COL23A1: variants seen among roughly 807,000 people sequenced by gnomAD.
The protein encoded by COL23A1 is collagen alpha-1(XXIII) chain.
In COL23A1, 97 loss-of-function variants were observed where a neutral mutation model predicts 99.3. That is an observed-to-expected ratio of 0.98 (90% CI 0.83 to 1.16). COL23A1 has a LOEUF of 1.16. Among genes scored for constraint, COL23A1 ranks in the 50% most tolerant of loss-of-function variants. The probability of loss-of-function intolerance (pLI) is 0.00; values close to 1 mark genes in which losing one functional copy is unlikely to be tolerated. For missense variants in COL23A1, 762 were observed against 757.4 expected (o/e 1.01, Z -0.07); for synonymous variants, 320 against 308.2 (o/e 1.04, Z -0.40).
intron 2 of COL23A1, among the ~76,000 whole-genome samples, chr5:178,382,139 G>A (rs1296868219): frequency 6.6e-6 from 1 of 152,144 alleles, no homozygotes; most frequent in Non-Finnish European, 1.5e-5. Flanking sequence ...TCCCTGGGGG[G>A]CTGAGGTTTC....
chr5:178,256,467 C>T, intron 14 of COL23A1, 70 bp from the exon 15 acceptor site: 2 of 1,438,640 alleles, frequency 1.4e-6, no homozygotes, highest in Admixed American at 2.3e-5. Context: ...CGACCCTGCC[C>T]CCAGTCCCCT....
chr5:178,424,266 G>A lies in COL23A1; in HGVS notation c.362-117347C>T, dbSNP rs114716119. On this transcript the variant is annotated intron_variant, in intron 2 of 28. Coordinates refer to ENST00000390654, the MANE Select transcript of COL23A1 (RefSeq NM_173465.4). ...GCAACTCTCCAGTCCTCTCCAGGAT[G>A]AAGCCTACAGGCTATGGAGGTGCTT... 3.5e-3 allele frequency among the ~76,000 whole-genome samples: 526 copies of A among 152,376 alleles called. 3 individuals carry two copies. Among genetic ancestry groups the A allele is most frequent in the African/African-American group, 0.012 (497 of 41,578 alleles).
At chr5:178,407,541 C>T (rs962177853) in intron 2 of COL23A1, among the ~76,000 whole-genome samples, 1 of 152,162 alleles carries the variant, frequency 6.6e-6, no homozygotes, top group African/African-American at 2.4e-5. Context: ...CTGGCACAGA[C>T]TCGAAAACAG....
chr5:178,327,383 C>T (rs567641550), intron 2 of COL23A1, among the ~76,000 whole-genome samples: 41 of 152,310 alleles, frequency 2.7e-4, no homozygotes, highest in Non-Finnish European at 4.6e-4. Flanking sequence ...ACAGAAGGGG[C>T]TACGGAAAAC....
chr5:178,509,689 G>C (rs1264869814), intron 2 of COL23A1, among the ~76,000 whole-genome samples: 1 of 152,058 alleles, frequency 6.6e-6, no homozygotes, highest in Admixed American at 6.6e-5. Flanking sequence ...GTGGCCACAC[G>C]GCACTAACCA....
At chr5:178,325,025 A>T (rs1434257055) in intron 2 of COL23A1, among the ~76,000 whole-genome samples, 1 of 151,848 alleles carries the variant, frequency 6.6e-6, no homozygotes, top group Non-Finnish European at 1.5e-5. Context: ...AGCCACTATC[A>T]CTATTCCCAG....
At chr5:178,588,306 A>G (rs1764101354) in intron 1 of COL23A1, among the ~76,000 whole-genome samples, 1 of 152,216 alleles carries the variant, frequency 6.6e-6, no homozygotes. Context: ...CCTGCCCAGG[A>G]TGCCCCTCCC....
In COL23A1 at chr5:178,308,548, C is replaced by T. The variant is rs1450690093; in HGVS notation, c.362-1629G>A. The stretch of plus-strand genomic sequence containing the variant: ...GGACCCTCAGAACAGACAACAGCTC[C>T]TCATACTGTGTGGGTTTACAGCTTA... On this transcript the variant is annotated intron_variant, in intron 2 of 28. Transcript: ENST00000390654. This position sits in a 1 kb window ranked among gnomAD's most constrained non-coding sequence, Gnocchi z 5.1. Among the ~76,000 whole-genome samples the T allele has an allele frequency of 6.6e-6, 1 of 152,108 alleles. No homozygotes were observed. The highest frequency in any genetic ancestry group is 2.1e-4 in the South Asian group (1 of 4,826).
intron 2 of COL23A1, among the ~76,000 whole-genome samples, chr5:178,527,613 G>T (rs144629597): frequency 1.7e-4 from 26 of 152,372 alleles, no homozygotes; most frequent in African/African-American, 6.3e-4. Context: ...GGGGCCAGGG[G>T]AGGGGTGGCC....
chr5:178,507,357 G>A (rs1008801726), intron 2 of COL23A1, among the ~76,000 whole-genome samples: 1 of 152,162 alleles, frequency 6.6e-6, no homozygotes, highest in Non-Finnish European at 1.5e-5. Context: ...AAAGAGTGCT[G>A]CAAGGTACAG....
intron 2 of COL23A1, among the ~76,000 whole-genome samples, chr5:178,360,472 T>TC (rs1762115132): frequency 6.6e-6 from 1 of 150,842 alleles, no homozygotes; most frequent in Admixed American, 6.6e-5. Flanking sequence ...GGGCCTCATG[T>TC]GGGGGGGGAT....
intron 2 of COL23A1, among the ~76,000 whole-genome samples, chr5:178,342,056 CA>C (rs150395759): frequency 0.085 from 12,978 of 152,242 alleles, 589 homozygotes; most frequent in Middle Eastern, 0.17. Context: ...AGCTCCATGG[CA>C]GGGGGACCGC....
chr5:178,243,539 T>C (rs1265654379), intron 25 of COL23A1, among the ~76,000 whole-genome samples: 1 of 150,302 alleles, frequency 6.7e-6, no homozygotes, highest in African/African-American at 2.5e-5. Flanking sequence ...GGATTCGACA[T>C]GGTCCCTTGT....
intron 2 of COL23A1, among the ~76,000 whole-genome samples, chr5:178,436,841 CA>C (rs1230942273): frequency 1.1e-4 from 16 of 152,182 alleles, no homozygotes; most frequent in Admixed American, 7.2e-4. Context: ...CCCCATTTTG[CA>C]AAAGAAGAGA....
chr5:178,425,457 AT>A (rs1581367433), intron 2 of COL23A1, among the ~76,000 whole-genome samples: 3 of 149,004 alleles, frequency 2.0e-5, no homozygotes, highest in South Asian at 4.3e-4. Flanking sequence ...AAATAAATAA[AT>A]AAATAAATAA....
chr5:178,371,351 C>T (rs1015292386), intron 2 of COL23A1, among the ~76,000 whole-genome samples: 1 of 152,170 alleles, frequency 6.6e-6, no homozygotes, highest in African/African-American at 2.4e-5. Context: ...GACTATGGCC[C>T]CAGTTGACTC....
intron 5 of COL23A1, among the ~76,000 whole-genome samples, chr5:178,274,152 T>C (rs896581904): frequency 1.3e-5 from 2 of 152,184 alleles, no homozygotes; most frequent in Non-Finnish European, 1.5e-5. Context: ...TCATTTTAGT[T>C]TGTGGGTCTT....
intron 16 of COL23A1, among the ~76,000 whole-genome samples, chr5:178,252,914 T>G (rs1286320664): frequency 6.6e-6 from 1 of 152,200 alleles, no homozygotes; most frequent in Non-Finnish European, 1.5e-5. Context: ...TTTGGCTCCC[T>G]ATTGCCTCTC....
chr5:178,460,944 T>C (rs528406536), intron 2 of COL23A1, among the ~76,000 whole-genome samples: 2 of 152,296 alleles, frequency 1.3e-5, no homozygotes, highest in African/African-American at 4.8e-5. Flanking sequence ...TCTCAGCTCA[T>C]GCCCCCATTT....
Sources: gnomAD v4.1 joint callset for allele counts (sites outside exome capture counted in the v4.1 genomes callset) on GRCh38, gnomAD v4.1.1 for gene constraint, Gnocchi (gnomAD v3.1) non-coding constraint, MANE v1.5 for transcripts, NCBI Gene and HGNC (gene_info 2026-07-23, HGNC 2026-07-21) for gene names.